GREB1: variants seen among roughly 807,000 people sequenced by gnomAD.
GREB1 encodes protein GREB1.
A neutral mutation model predicts 200.7 loss-of-function variants in GREB1; 106 were observed. The observed-to-expected ratio is 0.53, with a 90% CI of 0.45 to 0.62. The LOEUF is 0.62. Among genes scored for constraint, GREB1 ranks in the 20% least tolerant of loss-of-function variants. The pLI is 0.00. For synonymous variants in GREB1, 1,132 were observed against 1,092.4 expected, an observed-to-expected ratio of 1.04 and a Z score of -0.72; for missense variants, 2,243 against 2,556.8, an observed-to-expected ratio of 0.88 and a Z score of 2.65.
At chr2:11,554,280 C>T (rs143719746) in intron 1 of GREB1, among the ~76,000 whole-genome samples, 1,898 of 152,256 alleles carry the variant, frequency 0.012, 20 homozygotes, top group Middle Eastern at 0.031. Flanking sequence ...GACCAAGGGG[C>T]CCTGTGGTCA....
intron 17 of GREB1, among the ~76,000 whole-genome samples, chr2:11,608,924 A>G (rs528452217): frequency 6.6e-6 from 1 of 152,006 alleles, no homozygotes; most frequent in African/African-American, 2.4e-5. Flanking sequence ...CCGGAATCTG[A>G]TACCTCTCCT....
chr2:11,634,834 G>A (rs1437381897), intron 29 of GREB1, among the ~76,000 whole-genome samples: 1 of 152,168 alleles, frequency 6.6e-6, no homozygotes, highest in South Asian at 2.1e-4. Context: ...GTTCTGCTGC[G>A]TATTAGCTTT....
intron 9 of GREB1, 77 bp from the exon 10 acceptor site, chr2:11,588,669 C>A: frequency 7.5e-7 from 1 of 1,327,192 alleles, no homozygotes; most frequent in Non-Finnish European, 1.1e-6. Context: ...AGTGCCCTCA[C>A]CCCCAGAGAA....
At chr2:11,508,254 C>T (rs1363516966) in intron 1 of GREB1, among the ~76,000 whole-genome samples, 2 of 152,186 alleles carry the variant, frequency 1.3e-5, no homozygotes, top group African/African-American at 2.4e-5. Context: ...TCCAGGGGCT[C>T]ATGGCAGTTG....
At chr2:11,501,913 T>C in intron 1 of GREB1, among the ~76,000 whole-genome samples, 1 of 107,148 alleles carries the variant, frequency 9.3e-6, no homozygotes, top group Non-Finnish European at 1.9e-5. Context: ...TTGTTTTTTT[T>C]TTTTTTTTTT....
intron 3 of GREB1, among the ~76,000 whole-genome samples, chr2:11,563,545 A>C (rs1677303143): frequency 6.6e-6 from 1 of 152,206 alleles, no homozygotes; most frequent in African/African-American, 2.4e-5. Context: ...TGGGGAGGCC[A>C]GTTAGTGGCG....
At chr2:11,610,626 T>C in intron 17 of GREB1, 62 bp from the exon 18 acceptor site, 1 of 1,293,126 alleles carries the variant, frequency 7.7e-7, no homozygotes, top group Middle Eastern at 1.9e-4. Flanking sequence ...CTTGGGTGAC[T>C]TGGCAGCAGC....
chr2:11,557,468 T>G (rs1439275802), intron 2 of GREB1, among the ~76,000 whole-genome samples: 1 of 152,200 alleles, frequency 6.6e-6, no homozygotes, highest in Non-Finnish European at 1.5e-5. Flanking sequence ...GGCTATACTT[T>G]AAAACAAAAA....
chr2:11,520,202 CT>C (rs1180983450), intron 1 of GREB1, among the ~76,000 whole-genome samples: 4 of 152,172 alleles, frequency 2.6e-5, no homozygotes, highest in African/African-American at 9.7e-5. Context: ...GTTTTAAGCT[CT>C]TTTTATAGAT....
chr2:11,613,964 G>A (rs538458173), intron 19 of GREB1, among the ~76,000 whole-genome samples: 16 of 152,122 alleles, frequency 1.1e-4, no homozygotes, highest in Non-Finnish European at 2.2e-4. Flanking sequence ...GTCTGAGCAC[G>A]GGGTTGGCCT....
Position 11,633,823 on chromosome 2 carries a change from G to C in GREB1, c.4992-308G>C, listed in dbSNP as rs1173787880. ...ACTCCTAGCTTTATTTTTATTTGCT[G>C]TGTGGCTTTAGGCAAATGGCTAAAT... On this transcript the variant is annotated intron_variant, in intron 28 of 32. Transcript: ENST00000381486. The surrounding 1 kb of genome is among the most constrained non-coding windows in gnomAD (Gnocchi z 4.1). 6.6e-6 allele frequency among the ~76,000 whole-genome samples: 1 copy of C among 151,698 alleles called. No individual in the cohort carries two copies. The highest frequency in any genetic ancestry group is 6.6e-5 in the Admixed American group (1 of 15,212).
chr2:11,515,586 G>T (rs968066280), intron 1 of GREB1, among the ~76,000 whole-genome samples: 1 of 152,020 alleles, frequency 6.6e-6, no homozygotes, highest in Non-Finnish European at 1.5e-5. Flanking sequence ...CTCTCCCTGG[G>T]AGCCTGAGGG....
upstream of GREB1, among the ~76,000 whole-genome samples, chr2:11,532,726 C>T (rs1311139949): frequency 6.6e-6 from 1 of 152,110 alleles, no homozygotes; most frequent in Non-Finnish European, 1.5e-5. Context: ...ATCTTCCCAG[C>T]GATGTGTGTG....
Position 11,590,714 on chromosome 2 carries a change from C to T in GREB1, c.1345+1783C>T, listed in dbSNP as rs1297700802. Among the ~76,000 whole-genome samples, 3 of 152,172 alleles carry T rather than the reference C, an allele frequency of 2.0e-5. No individual in the cohort carries two copies. In the East Asian group the frequency reaches 5.8e-4, roughly 29 times the overall value. Reference sequence around the variant, plus strand: ...GTCTCCCCCAGCTAGGGTGTAAGCTCCATGAGGCCAGGCATGGTGAGTGAG... The same window carrying T: ...GTCTCCCCCAGCTAGGGTGTAAGCTTCATGAGGCCAGGCATGGTGAGTGAG... On this transcript the variant is annotated intron_variant, in intron 10 of 32. Coordinates refer to ENST00000381486, the MANE Select transcript of GREB1 (RefSeq NM_014668.4).
intron 31 of GREB1, among the ~76,000 whole-genome samples, 159 bp downstream of exon 31, chr2:11,638,075 G>A (rs1033216445): frequency 1.3e-5 from 2 of 152,242 alleles, no homozygotes; most frequent in African/African-American, 4.8e-5. Context: ...GAACTGAGAT[G>A]CTTTGCCTGG....
chr2:11,543,751 G>A (rs1472955095), intron 1 of GREB1, among the ~76,000 whole-genome samples: 1 of 152,134 alleles, frequency 6.6e-6, no homozygotes, highest in East Asian at 1.9e-4. Context: ...TGATCTAGCT[G>A]GATGTTGCAA....
rs77163399 is a variant in GREB1, at chr2:11,602,370, C to T, written c.2530-36C>T. On this transcript the variant is annotated intron_variant, in intron 16 of 32. Transcript: ENST00000381486. ...GAACCTCTGACCGTCCCTGCGAATG[C>T]AGTGTTGGAGTGACCGACGCTCTTC... 2.1e-3 allele frequency: 3,382 copies of T among 1,598,568 alleles called. 50 individuals carry two copies. In the African/African-American group the frequency reaches 0.039, roughly 18 times the overall value.
chr2:11,577,742 A>T (rs1157255651), intron 5 of GREB1, among the ~76,000 whole-genome samples: 1 of 151,742 alleles, frequency 6.6e-6, no homozygotes, highest in African/African-American at 2.4e-5. Context: ...CTCACACCCG[A>T]CTCTTCCTTC....
intron 1 of GREB1, among the ~76,000 whole-genome samples, chr2:11,543,536 T>C (rs1674958294): frequency 6.6e-6 from 1 of 152,210 alleles, no homozygotes; most frequent in Admixed American, 6.5e-5. Context: ...TCACACAGCT[T>C]GAAAGCAGCA....
Sources: allele counts gnomAD v4.1 joint callset (sites outside exome capture counted in the v4.1 genomes callset), GRCh38; gene constraint gnomAD v4.1.1; non-coding constraint Gnocchi (gnomAD v3.1); transcripts MANE v1.5; gene names NCBI Gene and HGNC (gene_info 2026-07-23, HGNC 2026-07-21).